NECTIN3: variants seen among roughly 807,000 people sequenced by gnomAD.
NECTIN3 encodes the protein nectin cell adhesion molecule 3, also known as nectin-3.
In NECTIN3, 8 loss-of-function variants were observed where a neutral mutation model predicts 49.4. The ratio of observed to expected loss-of-function variants is 0.16; its 90% CI spans 0.10 to 0.29. The LOEUF (loss-of-function observed/expected upper bound fraction) is 0.29. NECTIN3 is among the 10% of genes least tolerant of loss of function. The pLI is 1.00. For missense variants in NECTIN3, 581 were observed against 654.6 expected (o/e 0.89, Z 1.23); for synonymous variants, 277 against 241.1 (o/e 1.15, Z -1.38).
At chr3:111,187,620 A>G (rs1001458350), upstream of NECTIN3, among the ~76,000 whole-genome samples, 3 of 152,218 alleles carry the variant, frequency 2.0e-5, no homozygotes, top group African/African-American at 7.2e-5. Flanking sequence ...ATTTAGTGCT[A>G]AAAAGGAATA....
intron 1 of NECTIN3, among the ~76,000 whole-genome samples, chr3:111,078,159 T>C (rs1025961313): frequency 1.3e-5 from 2 of 152,182 alleles, no homozygotes; most frequent in African/African-American, 4.8e-5. Flanking sequence ...GCTACCAGTT[T>C]GGATAGTTCA....
intron 3 of NECTIN3, 101 bp downstream of exon 3, chr3:111,119,053 CTTTTAA>C (rs1228751481): frequency 2.5e-5 from 28 of 1,109,414 alleles, no homozygotes; most frequent in Non-Finnish European, 3.3e-5. Context: ...TTTTGTTTTT[CTTTTAA>C]TTTTGTTTGT....
intron 7 of NECTIN3, among the ~76,000 whole-genome samples, chr3:111,148,932 C>G (rs1289610726): frequency 6.6e-6 from 1 of 152,010 alleles, no homozygotes; most frequent in Non-Finnish European, 1.5e-5. Flanking sequence ...GGCTTCCTTA[C>G]ATTTCCTTCT....
Position 111,136,494 on chromosome 3 carries a change from T to TTAG in NECTIN3, c.*2279_*2280insTAG, listed in dbSNP as rs1485246037. The TTAG allele has an allele frequency of 1.0e-6, 1 of 983,394 alleles. No homozygotes were observed. The highest frequency in any genetic ancestry group is 1.1e-4 in the East Asian group (1 of 8,820). 60.9% of individuals were successfully genotyped at this position (983,394 alleles called of 1,614,324 possible). A position where few individuals can be genotyped will look rare whatever the true frequency, so the allele number is the denominator to read the frequency against. On this transcript the variant is annotated 3_prime_UTR_variant, in exon 6 of 6. Transcript: ENST00000485303. ...CTGTGTTGTAAGAATCTGATACTAGTGCTTAAGACTTTGGGAAGCATTGCA... is the reference window on the plus strand; with the variant it reads ...CTGTGTTGTAAGAATCTGATACTAGTTAGGCTTAAGACTTTGGGAAGCATTGCA...
rs1031530157 is a variant in NECTIN3, at chr3:111,169,831, C to T, written c.1221+22347C>T. On this transcript the variant is annotated intron_variant, in intron 7 of 8. Coordinates refer to the NECTIN3 transcript ENST00000493615. ...GATGAATCCCTTAGAAGTGAAAACT[C>T]ATGGATACATAGATTTTAATTTTGA... Among the ~76,000 whole-genome samples, 4 of 152,168 alleles carry T rather than the reference C, an allele frequency of 2.6e-5. No individual in the cohort carries two copies. In the East Asian group the frequency reaches 5.8e-4, roughly 22 times the overall value.
intron 1 of NECTIN3, among the ~76,000 whole-genome samples, chr3:111,083,101 A>G (rs1175004137): frequency 6.6e-6 from 1 of 152,092 alleles, no homozygotes; most frequent in African/African-American, 2.4e-5. Flanking sequence ...TTGCTTGCCC[A>G]CCACTCACTT....
At chr3:111,092,339 T>A (rs894289240) in intron 1 of NECTIN3, among the ~76,000 whole-genome samples, 1 of 152,218 alleles carries the variant, frequency 6.6e-6, no homozygotes, top group Non-Finnish European at 1.5e-5. Flanking sequence ...CTTTAATTGC[T>A]TATGCTTGTG....
intron 1 of NECTIN3, among the ~76,000 whole-genome samples, chr3:111,100,711 C>G (rs530679629): frequency 1.5e-3 from 230 of 150,292 alleles, no homozygotes; most frequent in Admixed American, 3.2e-3. Flanking sequence ...AACTTTAAGA[C>G]TTTTTTAAAA....
In NECTIN3 at chr3:111,112,218, T is replaced by C; in HGVS notation, c.349T>C (p.Tyr117His). The change falls in exon 2 of 6, where the codon TAT (tyrosine) becomes CAT (histidine). Residue 117 changes from tyrosine to histidine, a missense_variant. Physicochemically the swap from Tyr to His is moderately conservative, Grantham distance 83. Coordinates refer to ENST00000485303, the MANE Select transcript of NECTIN3 (RefSeq NM_015480.3). ...ATATGGATTCTCTGTTCAAGGAGAA[T>C]ATCAGGGAAGAGTCTTGTTTAAAAA... Reference protein sequence around the residue: ...PQYGFSVQGEYQGRVLFKNYS... With the variant: ...PQYGFSVQGEHQGRVLFKNYS... 6.2e-7 allele frequency: 1 copy of C among 1,613,970 alleles called. No homozygotes were observed.
intron 1 of NECTIN3, among the ~76,000 whole-genome samples, chr3:111,087,931 C>T (rs151010285): frequency 0.011 from 1,720 of 152,108 alleles, 35 homozygotes; most frequent in African/African-American, 0.038. Context: ...CTCCTGACCT[C>T]AAGCAATCTA....
rs2034534205 is a variant in NECTIN3 at position 111,135,146 on chromosome 3, G to T, written c.*931G>T. 6.1e-6 allele frequency: 6 copies of T among 981,918 alleles called. No homozygotes were observed. Among genetic ancestry groups the T allele is most frequent in the Non-Finnish European group, 7.3e-6 (6 of 826,904 alleles). 60.8% of individuals were successfully genotyped at this position (981,918 alleles called of 1,614,324 possible). A position where few individuals can be genotyped will look rare whatever the true frequency, so the allele number is the denominator to read the frequency against. ...ACTTTCAGCCAACAATCTATAGAAAGAATTTTATGGACCATCTTGTTTTAG... is the reference window on the plus strand; with the variant it reads ...ACTTTCAGCCAACAATCTATAGAAATAATTTTATGGACCATCTTGTTTTAG... On this transcript the variant is annotated 3_prime_UTR_variant, in exon 6 of 6. Transcript: ENST00000485303.
At chr3:111,141,314 C>CAT (rs143890755), downstream of NECTIN3, among the ~76,000 whole-genome samples, 2,767 of 151,900 alleles carry the variant, frequency 0.018, 41 homozygotes, top group Non-Finnish European at 0.029. Flanking sequence ...TAGGCCAACA[C>CAT]ATAAACCTGT....
intron 7 of NECTIN3, among the ~76,000 whole-genome samples, chr3:111,152,891 T>C (rs570224378): frequency 2.0e-5 from 3 of 152,072 alleles, no homozygotes; most frequent in African/African-American, 7.2e-5. Flanking sequence ...AAGTCATTTT[T>C]GTAATACATC....
intron 7 of NECTIN3, among the ~76,000 whole-genome samples, chr3:111,161,862 C>A (rs1434863093): frequency 6.6e-6 from 1 of 152,126 alleles, no homozygotes; most frequent in Admixed American, 6.6e-5. Flanking sequence ...ATTGTTTCTT[C>A]TACAGTATAT....
At position 111,135,473 on chromosome 3, in the gene NECTIN3, G is replaced by A. The variant is rs1023875498; in HGVS notation, c.*1258G>A. ...AAGAAATGTTACCTAAACTTCAAAT[G>A]TGCTTTTTGTTTGTGAGGTAATTAA... On this transcript the variant is annotated 3_prime_UTR_variant, in exon 6 of 6. Coordinates refer to ENST00000485303, the MANE Select transcript of NECTIN3 (RefSeq NM_015480.3). 2.1e-6 allele frequency: 2 copies of A among 956,602 alleles called. No homozygotes were observed. Among genetic ancestry groups the A allele is most frequent in the Non-Finnish European group, 2.5e-6 (2 of 803,982 alleles). 59.3% of individuals were successfully genotyped at this position (956,602 alleles called of 1,614,324 possible). A position where few individuals can be genotyped will look rare whatever the true frequency, so the allele number is the denominator to read the frequency against.
At chr3:111,072,394 C>T (rs1478211762) in intron 1 of NECTIN3, 10 of 1,513,106 alleles carry the variant, frequency 6.6e-6, no homozygotes, top group Middle Eastern at 1.7e-4. Context: ...CTGCCCTCCC[C>T]CGCGGCCGCG....
intron 5 of NECTIN3, among the ~76,000 whole-genome samples, chr3:111,127,208 C>G (rs901980804): frequency 6.6e-6 from 1 of 152,118 alleles, no homozygotes; most frequent in South Asian, 2.1e-4. Context: ...TTGTTCAGAT[C>G]TAAAACTAGA....
At chr3:111,173,130 G>A (rs566644182) in intron 7 of NECTIN3, among the ~76,000 whole-genome samples, 2 of 151,776 alleles carry the variant, frequency 1.3e-5, no homozygotes, top group Non-Finnish European at 2.9e-5. Flanking sequence ...GGGTCTGTTA[G>A]GAAAACATGA....
chr3:111,170,248 T>C (rs1280130294), intron 7 of NECTIN3, among the ~76,000 whole-genome samples: 1 of 152,190 alleles, frequency 6.6e-6, no homozygotes, highest in Non-Finnish European at 1.5e-5. Context: ...AGGTTGGCGA[T>C]AAAAAGTTAA....
Sources: gnomAD v4.1 joint callset for allele counts (sites outside exome capture counted in the v4.1 genomes callset) on GRCh38, gnomAD v4.1.1 for gene constraint, MANE v1.5 for transcripts, NCBI Gene and HGNC (gene_info 2026-07-23, HGNC 2026-07-21) for gene names.